The following LMO7 variants were observed in gnomAD, a reference collection of about 807,000 sequenced individuals.
LMO7 encodes the protein LIM domain 7.
In LMO7, 120 loss-of-function variants were observed where a neutral mutation model predicts 206.5. That is an observed-to-expected ratio of 0.58 (90% CI 0.50 to 0.68). The LOEUF (loss-of-function observed/expected upper bound fraction) is 0.68. Among genes scored for constraint, LMO7 ranks in the 30% least tolerant of loss-of-function variants. The pLI is 0.00. For missense variants in LMO7, 1,959 were observed against 1,957.9 expected (o/e 1.00, Z -0.01); for synonymous variants, 706 against 681.5 (o/e 1.04, Z -0.56).
chr13:75,663,012 A>G (rs1300695952), intron 1 of LMO7, among the ~76,000 whole-genome samples: 5 of 152,220 alleles, frequency 3.3e-5, no homozygotes, highest in African/African-American at 9.6e-5. Context: ...ACTTATATAC[A>G]GCTTTCAAAT....
chr13:75,757,443 G>A (rs1040949979), intron 3 of LMO7, among the ~76,000 whole-genome samples: 1 of 152,062 alleles, frequency 6.6e-6, no homozygotes. Context: ...TAACTAATAG[G>A]GTACTACAGT....
At chr13:75,795,545 C>A (rs2053885526) in intron 5 of LMO7, 114 bp downstream of exon 5, 3 of 728,968 alleles carry the variant, frequency 4.1e-6, no homozygotes, top group Non-Finnish European at 6.9e-6. Flanking sequence ...TAATTTTTTG[C>A]TACAAACCAA....
chr13:75,750,339 A>G (rs1773437830), intron 3 of LMO7, among the ~76,000 whole-genome samples: 1 of 151,256 alleles, frequency 6.6e-6, no homozygotes, highest in South Asian at 2.1e-4. Flanking sequence ...ATTGCCAAAA[A>G]ACTTTTGTCC....
chr13:75,689,131 A>G (rs1456504622), intron 1 of LMO7: 1 of 152,166 alleles, frequency 6.6e-6, no homozygotes, highest in African/African-American at 2.4e-5. Context: ...ATCTTCCTCT[A>G]AGAGTTCATC....
intron 2 of LMO7, 88 bp from the exon 3 acceptor site, chr13:75,726,941 A>C (rs1410200674): frequency 2.7e-6 from 2 of 742,674 alleles, no homozygotes; most frequent in African/African-American, 3.5e-5. Context: ...GAGGGGAGGG[A>C]ATAGTGATAT....
In LMO7 at chr13:75,810,615, CTT is replaced by C. The variant is rs578256576; in HGVS notation, c.1946+1434_1946+1435del. Among the ~76,000 whole-genome samples, 438 of 152,354 alleles carry C rather than the reference CTT, an allele frequency of 2.9e-3. 4 individuals are homozygous for C. Among genetic ancestry groups the C allele is most frequent in the Non-Finnish European group, 5.1e-3 (348 of 68,034 alleles). On this transcript the variant is annotated intron_variant, in intron 11 of 30. Transcript: ENST00000377534. ...GCTGTTTTAACTTGATTAAAAATCT[CTT>C]TGCAGCTTTAAGCATGTTGAATTGT...
intron 7 of LMO7, among the ~76,000 whole-genome samples, chr13:75,801,945 A>G (rs1404521770): frequency 1.4e-5 from 2 of 140,780 alleles, no homozygotes; most frequent in Admixed American, 1.5e-4. Flanking sequence ...TTTATCTTAT[A>G]CTCATCTCTC....
At chr13:75,729,500 T>C (rs2044884022) in intron 3 of LMO7, among the ~76,000 whole-genome samples, 1 of 151,876 alleles carries the variant, frequency 6.6e-6, no homozygotes, top group Admixed American at 6.6e-5. Flanking sequence ...TTTGCTGAAG[T>C]TGCTTATCAG....
intron 4 of LMO7, among the ~76,000 whole-genome samples, chr13:75,788,529 A>G (rs1595007887): frequency 6.7e-6 from 1 of 149,902 alleles, no homozygotes; most frequent in Non-Finnish European, 1.5e-5. Context: ...ACTGTCTCCC[A>G]CTGCCACACA....
intron 14 of LMO7, among the ~76,000 whole-genome samples, chr13:75,821,859 C>A (rs927810173): frequency 3.3e-5 from 5 of 152,096 alleles, no homozygotes; most frequent in Admixed American, 2.6e-4. Flanking sequence ...AAGATATATT[C>A]TAAGGCAGAG....
At chr13:75,691,305 G>A (rs902616462) in intron 1 of LMO7, among the ~76,000 whole-genome samples, 5 of 152,230 alleles carry the variant, frequency 3.3e-5, no homozygotes, top group Non-Finnish European at 7.3e-5. Flanking sequence ...TTTTGGGTGT[G>A]TTGAGTAGAG....
At chr13:75,799,028 G>A (rs1382182969) in intron 6 of LMO7, among the ~76,000 whole-genome samples, 2 of 152,214 alleles carry the variant, frequency 1.3e-5, no homozygotes, top group Non-Finnish European at 2.9e-5. Flanking sequence ...CCAGCGCTAG[G>A]CCTGGCTTCC....
chr13:75,656,731 A>G (rs545123248), intron 1 of LMO7, among the ~76,000 whole-genome samples: 3 of 152,262 alleles, frequency 2.0e-5, no homozygotes, highest in Admixed American at 2.0e-4. Flanking sequence ...GGTTACATCA[A>G]TTCAGTTGGC....
intron 3 of LMO7, among the ~76,000 whole-genome samples, chr13:75,759,551 A>G (rs1406804572): frequency 6.6e-6 from 1 of 152,140 alleles, no homozygotes; most frequent in Non-Finnish European, 1.5e-5. Context: ...TTGACTTGCA[A>G]GTTTCTTTAC....
intron 3 of LMO7, among the ~76,000 whole-genome samples, chr13:75,727,876 T>C (rs1285993605): frequency 2.0e-5 from 3 of 151,164 alleles, no homozygotes; most frequent in Admixed American, 6.6e-5. Context: ...ACATGCGGTG[T>C]TTGGTTTTTT....
intron 2 of LMO7, among the ~76,000 whole-genome samples, chr13:75,623,691 T>C (rs2033644717): frequency 1.3e-5 from 2 of 152,130 alleles, no homozygotes; most frequent in African/African-American, 2.4e-5. Flanking sequence ...AATAATTAAA[T>C]TGGTAATTTA....
chr13:75,712,599 CTCTT>C (rs2043208215), intron 1 of LMO7, among the ~76,000 whole-genome samples: 3 of 152,208 alleles, frequency 2.0e-5, no homozygotes, highest in Admixed American at 6.5e-5. Flanking sequence ...CATCTCACCT[CTCTT>C]TCTTTTGTCT....
intron 1 of LMO7, among the ~76,000 whole-genome samples, chr13:75,671,848 C>T (rs1309994537): frequency 1.3e-5 from 2 of 152,004 alleles, no homozygotes; most frequent in Non-Finnish European, 2.9e-5. Flanking sequence ...TGCCTGTCTC[C>T]CCTTCTCTAA....
At chr13:75,728,440 C>T (rs1472966653) in intron 3 of LMO7, among the ~76,000 whole-genome samples, 4 of 150,332 alleles carry the variant, frequency 2.7e-5, no homozygotes, top group Non-Finnish European at 3.0e-5. Context: ...AAGTGTCTGT[C>T]CATGTCCTTC....
Sources: gnomAD v4.1 joint callset for allele counts (sites outside exome capture counted in the v4.1 genomes callset) on GRCh38, gnomAD v4.1.1 for gene constraint, MANE v1.5 for transcripts, NCBI Gene and HGNC (gene_info 2026-07-23, HGNC 2026-07-21) for gene names.